RIMS1: variants seen among roughly 807,000 people sequenced by gnomAD.
The protein encoded by RIMS1 is regulating synaptic membrane exocytosis 1.
A neutral mutation model predicts 214.1 loss-of-function variants in RIMS1; 83 were observed. The ratio of observed to expected loss-of-function variants is 0.39; its 90% CI spans 0.32 to 0.47. The LOEUF (loss-of-function observed/expected upper bound fraction) is 0.47. Ranked by LOEUF, RIMS1 falls within the 20% of genes least tolerant of loss-of-function variation. RIMS1 has a pLI of 0.99. For missense variants in RIMS1, 2,050 were observed against 2,161.8 expected (o/e 0.95, Z 1.03); for synonymous variants, 793 against 786.8 (o/e 1.01, Z -0.13).
chr6:71,958,724 A>G (rs557847743), intron 1 of RIMS1, among the ~76,000 whole-genome samples: 30 of 152,256 alleles, frequency 2.0e-4, no homozygotes, highest in Non-Finnish European at 4.3e-4. Flanking sequence ...TTCAGGAATA[A>G]TTAGCTCAGG....
At chr6:72,108,926 T>G (rs1450242446) in intron 4 of RIMS1, among the ~76,000 whole-genome samples, 1 of 144,628 alleles carries the variant, frequency 6.9e-6, no homozygotes, top group Non-Finnish European at 1.5e-5. Context: ...GTTCAGTTCC[T>G]ACCTATGAGT....
At chr6:72,052,285 A>G (rs1399071276) in intron 2 of RIMS1, among the ~76,000 whole-genome samples, 1 of 152,170 alleles carries the variant, frequency 6.6e-6, no homozygotes, top group Non-Finnish European at 1.5e-5. Context: ...ATAGTAGGAT[A>G]TTTTCCATCG....
At chr6:72,174,259 T>C (rs957470600) in intron 4 of RIMS1, among the ~76,000 whole-genome samples, 1 of 152,200 alleles carries the variant, frequency 6.6e-6, no homozygotes, top group African/African-American at 2.4e-5. Flanking sequence ...ATGGTTCTAT[T>C]ATCTAAATGA....
intron 6 of RIMS1, among the ~76,000 whole-genome samples, chr6:72,186,783 C>CCG (rs2049168372): frequency 6.6e-6 from 1 of 151,230 alleles, no homozygotes; most frequent in Non-Finnish European, 1.5e-5. Flanking sequence ...ATATGTACCC[C>CCG]CCCCCATATA....
chr6:72,373,104 A>C (rs1275742194), intron 29 of RIMS1, among the ~76,000 whole-genome samples: 1 of 152,220 alleles, frequency 6.6e-6, no homozygotes, highest in Non-Finnish European at 1.5e-5. Flanking sequence ...ACCTTACTGC[A>C]CCTTGGATTC....
chr6:72,274,157 G>A (rs1284593676), intron 22 of RIMS1, among the ~76,000 whole-genome samples, 192 bp from the exon 23 acceptor site: 1 of 152,084 alleles, frequency 6.6e-6, no homozygotes, highest in Admixed American at 6.5e-5. Context: ...TAAGATTATA[G>A]GTTTTATGTT....
intron 4 of RIMS1, among the ~76,000 whole-genome samples, chr6:72,137,734 C>CTT (rs1220065879): frequency 7.1e-4 from 91 of 128,688 alleles, no homozygotes; most frequent in Non-Finnish European, 9.1e-4. Context: ...TCTATACAAT[C>CTT]TTTTTTTTTT....
At chr6:72,005,788 T>G (rs950308320) in intron 2 of RIMS1, among the ~76,000 whole-genome samples, 1 of 152,222 alleles carries the variant, frequency 6.6e-6, no homozygotes, top group Non-Finnish European at 1.5e-5. Context: ...GTTTGATCTC[T>G]CCTGACATGG....
intron 4 of RIMS1, among the ~76,000 whole-genome samples, chr6:72,177,283 G>T (rs1175812843): frequency 6.6e-6 from 1 of 151,998 alleles, no homozygotes; most frequent in Admixed American, 6.6e-5. Flanking sequence ...ATGGAGTCTC[G>T]CTCTATCGTC....
At chr6:72,104,251 A>G (rs1261087469) in intron 4 of RIMS1, among the ~76,000 whole-genome samples, 3 of 152,152 alleles carry the variant, frequency 2.0e-5, no homozygotes, top group Non-Finnish European at 4.4e-5. Context: ...TTTCAGTTTT[A>G]TCTCTCAGCC....
rs138572089 is a variant in RIMS1, at chr6:71,993,296, C to T, written c.245+24233C>T. On this transcript the variant is annotated intron_variant, in intron 2 of 33. Transcript: ENST00000521978. ...AAAGTCTCTCAAGGCCCCTCTGTTCCGTGACTTTATTTAAATTTTCTTTTG... is the reference window on the plus strand; with the variant it reads ...AAAGTCTCTCAAGGCCCCTCTGTTCTGTGACTTTATTTAAATTTTCTTTTG... Among the ~76,000 whole-genome samples the T allele has an allele frequency of 1.2e-3, 181 of 152,294 alleles. 2 individuals carry two copies. The East Asian group carries it at 0.024, about 20-fold the overall frequency.
intron 6 of RIMS1, among the ~76,000 whole-genome samples, chr6:72,198,150 C>T (rs1467292315): frequency 1.3e-5 from 2 of 152,096 alleles, no homozygotes; most frequent in Non-Finnish European, 2.9e-5. Context: ...GATACCTGCG[C>T]TCACATGTTT....
At chr6:72,366,912 T>A (rs1387199262) in intron 29 of RIMS1, 4 of 946,344 alleles carry the variant, frequency 4.2e-6, no homozygotes, top group Non-Finnish European at 5.0e-6. Flanking sequence ...ATAAGGGGAG[T>A]TTGTTTATTT....
At chr6:72,301,592 C>T (rs2094608851) in intron 26 of RIMS1, among the ~76,000 whole-genome samples, 1 of 151,410 alleles carries the variant, frequency 6.6e-6, no homozygotes, top group Non-Finnish European at 1.5e-5. Flanking sequence ...ATAACAGATT[C>T]ATGAGATTTT....
chr6:72,145,208 C>A (rs979778508), intron 4 of RIMS1, among the ~76,000 whole-genome samples: 4 of 152,162 alleles, frequency 2.6e-5, no homozygotes, highest in African/African-American at 9.7e-5. Context: ...TCAGATAAGA[C>A]CTTTTAAAGC....
chr6:72,179,544 A>C (rs2048165627), intron 4 of RIMS1, 31 bp from the exon 5 acceptor site: 1 of 1,533,272 alleles, frequency 6.5e-7, no homozygotes, highest in Admixed American at 1.8e-5. Flanking sequence ...GAGGGCATAA[A>C]AATTTATATT....
At chr6:71,962,025 A>T (rs1793091598) in intron 1 of RIMS1, among the ~76,000 whole-genome samples, 1 of 152,166 alleles carries the variant, frequency 6.6e-6, no homozygotes, top group African/African-American at 2.4e-5. Context: ...GTTAACAGAA[A>T]ATAATAGCTT....
intron 2 of RIMS1, among the ~76,000 whole-genome samples, chr6:71,993,032 A>G (rs2151633484): frequency 6.6e-6 from 1 of 152,330 alleles, no homozygotes; most frequent in Admixed American, 6.5e-5. Context: ...TAAATGAGCA[A>G]GTGCACTTCA....
intron 4 of RIMS1, among the ~76,000 whole-genome samples, chr6:72,133,699 G>A (rs2040826168): frequency 6.6e-6 from 1 of 152,096 alleles, no homozygotes; most frequent in South Asian, 2.1e-4. Flanking sequence ...CTGCAACTAG[G>A]TTTTTTGTTT....
Sources: gnomAD v4.1 joint callset for allele counts (sites outside exome capture counted in the v4.1 genomes callset) on GRCh38, gnomAD v4.1.1 for gene constraint, MANE v1.5 for transcripts, NCBI Gene and HGNC (gene_info 2026-07-23, HGNC 2026-07-21) for gene names.